PLD5: variants seen among roughly 807,000 people sequenced by gnomAD.
PLD5 encodes phospholipase D family member 5.
A neutral mutation model predicts 61.1 loss-of-function variants in PLD5; 36 were observed. The ratio of observed to expected loss-of-function variants is 0.59; its 90% CI spans 0.45 to 0.78. The LOEUF (loss-of-function observed/expected upper bound fraction) is 0.78. Among genes scored for constraint, PLD5 ranks in the 30% least tolerant of loss-of-function variants. The pLI, the probability that PLD5 is intolerant of heterozygous loss-of-function variation, is 0.00. For synonymous variants in PLD5, 243 were observed against 242.8 expected, an observed-to-expected ratio of 1.00 and a Z score of -0.01; for missense variants, 515 against 644.4, an observed-to-expected ratio of 0.80 and a Z score of 2.17.
chr1:242,236,296 C>G (rs1230827191), intron 4 of PLD5, among the ~76,000 whole-genome samples: 2 of 152,170 alleles, frequency 1.3e-5, no homozygotes, highest in Non-Finnish European at 2.9e-5. Context: ...GCAGCCTGAA[C>G]AGACTGACAG....
rs1331843738 is a variant in PLD5 at position 242,394,910 on chromosome 1, A to ATATATG, written c.190-46674_190-46669dup. On this transcript the variant is annotated intron_variant, in intron 1 of 9. Coordinates refer to ENST00000536534, the MANE Select transcript of PLD5 (RefSeq NM_001372062.1). ...TGTATATATATGATTATATATGAAT[A>ATATATG]TATATGTATATATGTATACATTATA... Among the ~76,000 whole-genome samples the ATATATG allele has an allele frequency of 4.3e-4, 57 of 132,874 alleles. 2 individuals are homozygous for ATATATG. Among genetic ancestry groups the ATATATG allele is most frequent in the Non-Finnish European group, 5.5e-4 (36 of 65,250 alleles). The allele number at this position is 132,874 out of a possible 152,430, so 87.2% of individuals were successfully genotyped here.
intron 7 of PLD5, among the ~76,000 whole-genome samples, chr1:242,108,311 A>G (rs1661223431): frequency 6.6e-6 from 1 of 151,988 alleles, no homozygotes; most frequent in South Asian, 2.1e-4. Context: ...CCTTTTCCCG[A>G]CTGTCTTACC....
At chr1:242,116,923 T>A (rs1661989074) in intron 6 of PLD5, among the ~76,000 whole-genome samples, 1 of 152,192 alleles carries the variant, frequency 6.6e-6, no homozygotes, top group Non-Finnish European at 1.5e-5. Flanking sequence ...ATACTCCATC[T>A]GTCACCAAGA....
At chr1:242,328,424 ATATG>A (rs1429224332) in intron 2 of PLD5, among the ~76,000 whole-genome samples, 13 of 152,124 alleles carry the variant, frequency 8.5e-5, no homozygotes, top group African/African-American at 2.7e-4. Context: ...CGTTTTCTAT[ATATG>A]TGTGTTCTAC....
Position 242,090,084 on chromosome 1 carries a change from A to G in PLD5, c.1381T>C (p.Phe461Leu). The G allele has an allele frequency of 6.2e-7, 1 of 1,614,186 alleles. No individual in the cohort carries two copies. Among genetic ancestry groups the G allele is most frequent in the Non-Finnish European group, 8.5e-7 (1 of 1,180,020 alleles). The change falls in exon 10 of 10, where the codon TTC (phenylalanine) becomes CTC (leucine). Residue 461 changes from phenylalanine to leucine, a missense_variant. Phe to Leu is a conservative substitution (Grantham distance 22, BLOSUM62 0). Coordinates refer to ENST00000536534, the MANE Select transcript of PLD5 (RefSeq NM_001372062.1). ...IGNFDWVGNDFTQNAGTGLVI... is the reference protein window; with the variant it reads ...IGNFDWVGNDLTQNAGTGLVI... ...AGGCCCGTGCCAGCATTCTGAGTGA[A>G]ATCATTCCCTACCCAATCAAAATTT...
intron 4 of PLD5, among the ~76,000 whole-genome samples, chr1:242,253,408 G>T (rs1672829871): frequency 6.7e-6 from 1 of 149,712 alleles, no homozygotes; most frequent in Non-Finnish European, 1.5e-5. Flanking sequence ...TGCCCCCTGG[G>T]GTTCACGCCA....
At chr1:242,279,827 C>T (rs907602824) in intron 3 of PLD5, among the ~76,000 whole-genome samples, 8 of 152,340 alleles carry the variant, frequency 5.3e-5, no homozygotes, top group South Asian at 2.1e-4. Flanking sequence ...CCACCACGCC[C>T]GGCATCTCCT....
intron 2 of PLD5, among the ~76,000 whole-genome samples, chr1:242,317,384 C>A (rs1023166137): frequency 4.6e-5 from 7 of 152,298 alleles, no homozygotes; most frequent in African/African-American, 1.4e-4. Context: ...ATATGCATAA[C>A]ATTTAATAAT....
At chr1:242,354,557 A>G (rs2149228268) in intron 1 of PLD5, among the ~76,000 whole-genome samples, 1 of 152,286 alleles carries the variant, frequency 6.6e-6, no homozygotes, top group East Asian at 1.9e-4. Flanking sequence ...CTTCTGTCCT[A>G]CAAGATCATG....
chr1:242,181,025 A>C (rs1667485517), intron 5 of PLD5, among the ~76,000 whole-genome samples: 1 of 151,696 alleles, frequency 6.6e-6, no homozygotes, highest in Admixed American at 6.6e-5. Context: ...AACACAAAAA[A>C]CCCCACAAAT....
At chr1:242,486,092 G>T (rs373222030) in intron 1 of PLD5, among the ~76,000 whole-genome samples, 1 of 151,792 alleles carries the variant, frequency 6.6e-6, no homozygotes, top group African/African-American at 2.4e-5. Flanking sequence ...TTAAATGTTA[G>T]ACCTAAAACC....
chr1:242,197,945 A>G (rs1668743720), intron 5 of PLD5, among the ~76,000 whole-genome samples: 1 of 152,156 alleles, frequency 6.6e-6, no homozygotes, highest in African/African-American at 2.4e-5. Flanking sequence ...TATTCTATAT[A>G]TACTCTTTAC....
At chr1:242,479,446 A>G (rs924230877) in intron 1 of PLD5, among the ~76,000 whole-genome samples, 16 of 152,222 alleles carry the variant, frequency 1.1e-4, no homozygotes, top group African/African-American at 3.9e-4. Context: ...TGAAACATAC[A>G]TGATTTAGGA....
chr1:242,380,484 C>T (rs1201251565), intron 1 of PLD5, among the ~76,000 whole-genome samples: 1 of 152,112 alleles, frequency 6.6e-6, no homozygotes, highest in Non-Finnish European at 1.5e-5. Flanking sequence ...TAAGAATGCT[C>T]AATGTTATTT....
chr1:242,409,928 T>G (rs185866635), intron 1 of PLD5, among the ~76,000 whole-genome samples: 38 of 152,278 alleles, frequency 2.5e-4, no homozygotes, highest in African/African-American at 8.9e-4. Context: ...CACTTGTGTA[T>G]CAAAGGTTGC....
chr1:242,100,852 G>C, intron 8 of PLD5, 70 bp from the exon 9 acceptor site: 1 of 1,018,630 alleles, frequency 9.8e-7, no homozygotes, highest in Non-Finnish European at 1.5e-6. Flanking sequence ...GAGCACAAAA[G>C]AATGCATTAT....
intron 5 of PLD5, among the ~76,000 whole-genome samples, chr1:242,167,067 C>CAATAATAATAT (rs1360516731): frequency 1.3e-4 from 7 of 55,242 alleles, no homozygotes; most frequent in African/African-American, 4.8e-4. Flanking sequence ...GAGTGAGAGA[C>CAATAATAATAT]AATAATAATA....
chr1:242,094,920 AT>A (rs1339193383), intron 9 of PLD5, among the ~76,000 whole-genome samples: 5 of 152,006 alleles, frequency 3.3e-5, no homozygotes, highest in Non-Finnish European at 5.9e-5. Flanking sequence ...TCACTCTAAA[AT>A]ATATATTTAT....
rs550310681 is a variant in PLD5 at position 242,487,117 on chromosome 1, C to T, written c.189+36971G>A. Among the ~76,000 whole-genome samples the T allele has an allele frequency of 1.5e-3, 228 of 151,958 alleles. 2 individuals carry two copies. Among genetic ancestry groups the T allele is most frequent in the South Asian group, 0.014 (68 of 4,806 alleles). ...AGGAGATATACTTAATGTTAAATGA[C>T]GAGTTAATGGGTGCAGCACACCAAC... On this transcript the variant is annotated intron_variant, in intron 1 of 9. Coordinates refer to ENST00000536534, the MANE Select transcript of PLD5 (RefSeq NM_001372062.1).
Sources: gnomAD v4.1 joint callset for allele counts (sites outside exome capture counted in the v4.1 genomes callset) on GRCh38, gnomAD v4.1.1 for gene constraint, MANE v1.5 for transcripts, NCBI Gene and HGNC (gene_info 2026-07-23, HGNC 2026-07-21) for gene names.